The following SRSF6 variants were observed in gnomAD, a reference collection of about 807,000 sequenced individuals.
SRSF6 encodes serine and arginine rich splicing factor 6.
Under a neutral mutation model 42.0 loss-of-function variants are expected in SRSF6, and 17 were observed. The ratio of observed to expected loss-of-function variants is 0.40; its 90% CI spans 0.28 to 0.61. The LOEUF (loss-of-function observed/expected upper bound fraction) is 0.61, where lower values mean the gene tolerates loss of function less well. SRSF6 is among the 20% of genes least tolerant of loss of function. The probability of loss-of-function intolerance (pLI) is 0.37; values close to 1 mark genes in which losing one functional copy is unlikely to be tolerated. For missense variants in SRSF6, 379 were observed against 471.4 expected (o/e 0.80, Z 1.81); for synonymous variants, 204 against 166.7 (o/e 1.22, Z -1.72).
Position 43,460,098 on chromosome 20 carries a change from T to G in SRSF6, c.447T>G (p.Gly149=). Residue 149 remains glycine (G), a synonymous_variant, in exon 4 of 6, where the codon GGT becomes GGG. Coordinates refer to ENST00000244020, the MANE Select transcript of SRSF6 (RefSeq NM_006275.6). ...ADAHKERTNE[G]VIEFRSYSDM... ...CCCACAAGGAACGAACAAATGAGGG[T>G]GTAATTGAGTTTCGCTCCTACTCTG... The G allele has an allele frequency of 6.2e-7, 1 of 1,614,044 alleles. No individual in the cohort carries two copies. Among genetic ancestry groups the G allele is most frequent in the South Asian group, 1.1e-5 (1 of 91,074 alleles).
chr20:43,461,113 C>A lies in SRSF6; in HGVS notation c.*50C>A. ...ATTATGGAACACTTTCCTACTTAGG[C>A]AGTTACTCTTCCATGTTTATACTTG... On this transcript the variant is annotated 3_prime_UTR_variant, in exon 6 of 6. Coordinates refer to ENST00000244020, the MANE Select transcript of SRSF6 (RefSeq NM_006275.6). 1 of 1,506,810 alleles carries A rather than the reference C, an allele frequency of 6.6e-7. No individual in the cohort carries two copies. Among genetic ancestry groups the A allele is most frequent in the East Asian group, 2.3e-5 (1 of 43,416 alleles). 93.3% of individuals were successfully genotyped at this position (1,506,810 alleles called of 1,614,324 possible).
At position 43,461,188 on chromosome 20, in the gene SRSF6, G is replaced by A. The variant is rs1394772078; in HGVS notation, c.*125G>A. ...TGAAAACAGGGGCACACAGAAATTTGATTTGTGGCCAAATTGGATGAAAAA... is the reference window on the plus strand; with the variant it reads ...TGAAAACAGGGGCACACAGAAATTTAATTTGTGGCCAAATTGGATGAAAAA... On this transcript the variant is annotated 3_prime_UTR_variant, in exon 6 of 6. Coordinates refer to ENST00000244020, the MANE Select transcript of SRSF6 (RefSeq NM_006275.6). 2.2e-6 allele frequency: 3 copies of A among 1,353,742 alleles called. No individual in the cohort carries two copies. Among genetic ancestry groups the A allele is most frequent in the Admixed American group, 3.0e-5 (1 of 32,976 alleles). The allele number at this position is 1,353,742 out of a possible 1,614,324, so 83.9% of individuals were successfully genotyped here.
chr20:43,460,524 T>C lies in SRSF6; in HGVS notation c.600T>C (p.Ser200=). The C allele has an allele frequency of 6.2e-7, 1 of 1,613,582 alleles. No individual in the cohort carries two copies. Among genetic ancestry groups the C allele is most frequent in the Non-Finnish European group, 8.5e-7 (1 of 1,179,748 alleles). Residue 200 remains serine (S), a synonymous_variant, in exon 5 of 6, where the codon TCT becomes TCC. Coordinates refer to ENST00000244020, the MANE Select transcript of SRSF6 (RefSeq NM_006275.6). ...GTTTTTCTCCTAATAGGTCTCGATC[T>C]AGAAGACGGTCACGAAGTAGGAGTC... ...SYSGSRSRSR[S]RRRSRSRSRR...
chr20:43,461,693 T>C lies in SRSF6; in HGVS notation c.*630T>C, dbSNP rs1211684773. 6.6e-6 allele frequency: 1 copy of C among 152,640 alleles called. No individual in the cohort carries two copies. The highest frequency in any genetic ancestry group is 2.4e-5 in the African/African-American group (1 of 41,446). The allele number at this position is 152,640 out of a possible 1,614,324, so 9.5% of individuals were successfully genotyped here. A position where few individuals can be genotyped will look rare whatever the true frequency, so the allele number is the denominator to read the frequency against. ...ATAAATTACTCAGTTTGGATAACAT[T>C]ATTTTGTGCAGTTAATCAAATTTGC... On this transcript the variant is annotated 3_prime_UTR_variant, in exon 6 of 6. Coordinates refer to ENST00000244020, the MANE Select transcript of SRSF6 (RefSeq NM_006275.6).
At chr20:43,458,924 C>T (rs1367430197) in intron 2 of SRSF6, among the ~76,000 whole-genome samples, 1 of 151,992 alleles carries the variant, frequency 6.6e-6, no homozygotes, top group Admixed American at 6.6e-5. Flanking sequence ...AAGTATAGGT[C>T]TTAAAGCTAT....
intron 2 of SRSF6, 65 bp downstream of exon 2, chr20:43,458,574 G>GT: frequency 7.1e-7 from 1 of 1,406,004 alleles, no homozygotes; most frequent in Non-Finnish European, 9.2e-7. Context: ...GGTGGGGTGG[G>GT]GCCTCCCAGC....
In SRSF6 at chr20:43,463,583, A is replaced by C. The variant is rs1406469171; in HGVS notation, c.*2520A>C. 1.3e-5 allele frequency: 2 copies of C among 152,750 alleles called. No individual in the cohort carries two copies. The highest frequency in any genetic ancestry group is 2.9e-5 in the Non-Finnish European group (2 of 68,132). 9.5% of individuals were successfully genotyped at this position (152,750 alleles called of 1,614,324 possible). Reference sequence around the variant, plus strand: ...TCACCTATTTTGTGCTTTAAATCTCAATAAAATACTTACTGAGGGAAAGGC... The same window carrying C: ...TCACCTATTTTGTGCTTTAAATCTCCATAAAATACTTACTGAGGGAAAGGC... On this transcript the variant is annotated 3_prime_UTR_variant, in exon 6 of 6. Coordinates refer to ENST00000244020, the MANE Select transcript of SRSF6 (RefSeq NM_006275.6).
chr20:43,458,484 C>G lies in SRSF6; in HGVS notation c.231C>G (p.Arg77=), dbSNP rs751700084. The G allele has an allele frequency of 4.0e-6, 6 of 1,510,756 alleles. No individual in the cohort carries two copies. Among genetic ancestry groups the G allele is most frequent in the East Asian group, 2.8e-5 (1 of 36,246 alleles). The allele number at this position is 1,510,756 out of a possible 1,614,324, so 93.6% of individuals were successfully genotyped here. The part of the protein sequence containing the change: ...VEHARGPRRD[R]DGYSYGSRSG... ...ACGCCCGGGGCCCGCGTCGCGATCG[C>G]GACGGCTACAGCTACGGAAGCCGCA... Residue 77 remains arginine (R), a synonymous_variant, in exon 2 of 6, where the codon CGC becomes CGG. Coordinates refer to ENST00000244020, the MANE Select transcript of SRSF6 (RefSeq NM_006275.6).
At chr20:43,459,980 T>C (rs1038601975) in intron 3 of SRSF6, 53 bp from the exon 4 acceptor site, 84 of 1,606,446 alleles carry the variant, frequency 5.2e-5, no homozygotes, top group African/African-American at 6.7e-5. Flanking sequence ...GGGAATTTAT[T>C]ATGGTATATA....
chr20:43,464,230 T>TA lies in SRSF6; in HGVS notation c.*3168dup, dbSNP rs1313132890. On this transcript the variant is annotated 3_prime_UTR_variant, in exon 6 of 6. Coordinates refer to ENST00000244020, the MANE Select transcript of SRSF6 (RefSeq NM_006275.6). ...AGATTCAACATTACACAATAAAACTTAGAGTTCTTGCAATAGAGCACCTAG... is the reference window on the plus strand; with the variant it reads ...AGATTCAACATTACACAATAAAACTTAAGAGTTCTTGCAATAGAGCACCTAG... 7 of 152,232 alleles carry TA rather than the reference T, an allele frequency of 4.6e-5. No individual in the cohort carries two copies. Among genetic ancestry groups the TA allele is most frequent in the African/African-American group, 1.4e-4 (6 of 41,466 alleles). The allele number at this position is 152,232 out of a possible 1,614,324, so 9.4% of individuals were successfully genotyped here.
chr20:43,463,336 C>T lies in SRSF6; in HGVS notation c.*2273C>T, dbSNP rs1299540268. 4 of 154,826 alleles carry T rather than the reference C, an allele frequency of 2.6e-5. No homozygotes were observed. Among genetic ancestry groups the T allele is most frequent in the Non-Finnish European group, 5.9e-5 (4 of 68,226 alleles). The allele number at this position is 154,826 out of a possible 1,614,324, so 9.6% of individuals were successfully genotyped here. On this transcript the variant is annotated 3_prime_UTR_variant, in exon 6 of 6. Coordinates refer to ENST00000244020, the MANE Select transcript of SRSF6 (RefSeq NM_006275.6). ...GTTGACTGATAAAATGTTTAATTCC[C>T]TTGCTAGCTTGTGAGAAGAATGAGT...
intron 2 of SRSF6, 35 bp from the exon 3 acceptor site, chr20:43,459,736 A>G (rs142081202): frequency 1.2e-5 from 19 of 1,612,204 alleles, no homozygotes; most frequent in Non-Finnish European, 1.5e-5. Flanking sequence ...TTTTATCATT[A>G]CAAGGCATCT....
In SRSF6 at chr20:43,458,480, A is replaced by G; in HGVS notation, c.227A>G (p.Asp76Gly). Residue 76 changes from aspartate to glycine, a missense_variant, in exon 2 of 6, where the codon GAT becomes GGT. Physicochemically the swap from Asp to Gly is moderately conservative, Grantham distance 94. Transcript: ENST00000244020. Reference protein sequence around the residue: ...IVEHARGPRRDRDGYSYGSRS... With the variant: ...IVEHARGPRRGRDGYSYGSRS... ...GAGCACGCCCGGGGCCCGCGTCGCGATCGCGACGGCTACAGCTACGGAAGC... is the reference window on the plus strand; with the variant it reads ...GAGCACGCCCGGGGCCCGCGTCGCGGTCGCGACGGCTACAGCTACGGAAGC... 6.6e-7 allele frequency: 1 copy of G among 1,507,386 alleles called. No homozygotes were observed. The highest frequency in any genetic ancestry group is 8.8e-7 in the Non-Finnish European group (1 of 1,132,536). 93.4% of individuals were successfully genotyped at this position (1,507,386 alleles called of 1,614,324 possible). A position where few individuals can be genotyped will look rare whatever the true frequency, so the allele number is the denominator to read the frequency against.
rs1290872213 is a variant in SRSF6, at chr20:43,460,319, T to C, written c.590+78T>C. ...GGAGTAATTGAGTGATGTCAATTGT[T>C]GCCTACTTGAATTAAAGCCAGCTTT... On this transcript the variant is annotated intron_variant, in intron 4 of 5. Transcript: ENST00000244020. The C allele has an allele frequency of 4.0e-6, 6 of 1,508,928 alleles. No individual in the cohort carries two copies. The East Asian group carries it at 9.3e-5, about 23-fold the overall frequency. 93.5% of individuals were successfully genotyped at this position (1,508,928 alleles called of 1,614,324 possible). A position where few individuals can be genotyped will look rare whatever the true frequency, so the allele number is the denominator to read the frequency against.
Position 43,461,337 on chromosome 20 carries a change from G to GTTTTTTTTTTTTTTTTTTTTTTTTTT in SRSF6, c.*286_*311dup, listed in dbSNP as rs57110045. 3.2e-4 allele frequency: 14 copies of GTTTTTTTTTTTTTTTTTTTTTTTTTT among 43,768 alleles called. 3 individuals are homozygous for GTTTTTTTTTTTTTTTTTTTTTTTTTT. Among genetic ancestry groups the GTTTTTTTTTTTTTTTTTTTTTTTTTT allele is most frequent in the African/African-American group, 9.8e-4 (12 of 12,192 alleles). The allele number at this position is 43,768 out of a possible 1,614,324, so 2.7% of individuals were successfully genotyped here. On this transcript the variant is annotated 3_prime_UTR_variant, in exon 6 of 6. Transcript: ENST00000244020. ...GTAAAGATTAAGCTCATTTAGTGTTGTTTTTTTTTTTTTTTTTTTTTTTTT... is the reference window on the plus strand; with the variant it reads ...GTAAAGATTAAGCTCATTTAGTGTTGTTTTTTTTTTTTTTTTTTTTTTTTTTTTTTTTTTTTTTTTTTTTTTTTTTT...
At position 43,462,638 on chromosome 20, in the gene SRSF6, A is replaced by AT. The variant is rs2017622483; in HGVS notation, c.*1578dup. On this transcript the variant is annotated 3_prime_UTR_variant, in exon 6 of 6. Transcript: ENST00000244020. Reference sequence around the variant, plus strand: ...TATACCTAATAAGATTGAGTGAAAAATTTGAGTCAAATATCTAGGGCATTC... The same window carrying AT: ...TATACCTAATAAGATTGAGTGAAAAATTTTGAGTCAAATATCTAGGGCATTC... The AT allele has an allele frequency of 6.6e-6, 1 of 152,180 alleles. No homozygotes were observed. Among genetic ancestry groups the AT allele is most frequent in the African/African-American group, 2.4e-5 (1 of 41,444 alleles). The allele number at this position is 152,180 out of a possible 1,614,324, so 9.4% of individuals were successfully genotyped here.
chr20:43,459,900 G>GTT lies in SRSF6; in HGVS notation c.381+8_381+9dup, dbSNP rs750250309. On this transcript the variant is annotated splice_donor_region_variant and intron_variant, in intron 3 of 5. Coordinates refer to ENST00000244020, the MANE Select transcript of SRSF6 (RefSeq NM_006275.6). The stretch of plus-strand genomic sequence containing the variant: ...TGCAGTTGGCAAGATTTAAAGGTAT[G>GTT]TTTTGTAATTCAAGATAGAAATGAT... 12 of 1,602,564 alleles carry GTT rather than the reference G, an allele frequency of 7.5e-6. No homozygotes were observed. The East Asian group carries it at 2.7e-4, about 36-fold the overall frequency.
chr20:43,458,204 G>A (rs1463141768), intron 1 of SRSF6, 64 bp downstream of exon 1: 1 of 1,547,560 alleles, frequency 6.5e-7, no homozygotes, highest in Non-Finnish European at 8.8e-7. Context: ...AACTCTCCAA[G>A]GAAAGAAGCG....
intron 2 of SRSF6, chr20:43,459,254 C>T (rs1338213896): frequency 3.0e-6 from 4 of 1,352,126 alleles, no homozygotes; most frequent in South Asian, 1.1e-5. Context: ...CCCTATGACC[C>T]TTTGGCTGAC....
Sources: allele counts gnomAD v4.1 joint callset (sites outside exome capture counted in the v4.1 genomes callset), GRCh38; gene constraint gnomAD v4.1.1; transcripts MANE v1.5; gene names NCBI Gene and HGNC (gene_info 2026-07-23, HGNC 2026-07-21).